Variants in CTNNA2 observed in about 807,000 individuals in gnomAD.
CTNNA2 encodes the protein catenin alpha-2.
A neutral mutation model predicts 101.0 loss-of-function variants in CTNNA2; 42 were observed. The ratio of observed to expected loss-of-function variants is 0.42; its 90% CI spans 0.32 to 0.54. The LOEUF (loss-of-function observed/expected upper bound fraction) is 0.54. Ranked by LOEUF, CTNNA2 falls within the 20% of genes least tolerant of loss-of-function variation. CTNNA2 has a pLI of 0.14. For synonymous variants in CTNNA2, 450 were observed against 456.4 expected (o/e 0.99, Z 0.18); for missense variants, 871 against 1,223.1 (o/e 0.71, Z 4.29).
intron 7 of CTNNA2, among the ~76,000 whole-genome samples, chr2:79,997,019 A>G (rs760444371): frequency 6.6e-6 from 1 of 152,098 alleles, no homozygotes; most frequent in East Asian, 1.9e-4. Flanking sequence ...AGTAAGAACC[A>G]GGTCAAAATC....
intron 4 of CTNNA2, among the ~76,000 whole-genome samples, chr2:79,503,395 G>C (rs1314521009): frequency 2.0e-5 from 3 of 152,066 alleles, no homozygotes; most frequent in Non-Finnish European, 4.4e-5. Flanking sequence ...GAAGGCCTTT[G>C]GCGTGTCATA....
intron 7 of CTNNA2, among the ~76,000 whole-genome samples, chr2:80,104,050 G>A (rs910699286): frequency 6.6e-6 from 1 of 152,170 alleles, no homozygotes; most frequent in African/African-American, 2.4e-5. Context: ...ACAGCTATGT[G>A]AAGCACTGTG....
At chr2:80,277,431 A>G (rs533715396) in intron 7 of CTNNA2, among the ~76,000 whole-genome samples, 4 of 152,012 alleles carry the variant, frequency 2.6e-5, no homozygotes, top group Admixed American at 1.3e-4. Flanking sequence ...ATGACTGGCC[A>G]CCATCTTGAA....
At chr2:80,306,050 G>A (rs1240773868) in intron 7 of CTNNA2, among the ~76,000 whole-genome samples, 5 of 152,208 alleles carry the variant, frequency 3.3e-5, no homozygotes, top group Non-Finnish European at 7.3e-5. Flanking sequence ...TAGCATCTAA[G>A]CTGAAGAGGC....
At chr2:79,249,229 A>T (rs751046446) in intron 2 of CTNNA2, among the ~76,000 whole-genome samples, 1 of 152,172 alleles carries the variant, frequency 6.6e-6, no homozygotes, top group African/African-American at 2.4e-5. Flanking sequence ...AATGTTAGCT[A>T]TCATCATATT....
intron 1 of CTNNA2, among the ~76,000 whole-genome samples, chr2:79,632,314 G>T (rs1346052909): frequency 1.3e-5 from 2 of 152,070 alleles, no homozygotes; most frequent in Non-Finnish European, 2.9e-5. Context: ...TAAAAATTGT[G>T]TGCATAGACA....
intron 7 of CTNNA2, among the ~76,000 whole-genome samples, chr2:80,034,274 G>T (rs1695502533): frequency 6.7e-6 from 1 of 149,566 alleles, no homozygotes; most frequent in African/African-American, 2.5e-5. Context: ...AACTGAAAAA[G>T]AATATAAACA....
At chr2:79,920,615 T>C (rs1359853176) in intron 7 of CTNNA2, among the ~76,000 whole-genome samples, 1 of 152,224 alleles carries the variant, frequency 6.6e-6, no homozygotes, top group Non-Finnish European at 1.5e-5. Flanking sequence ...AACCCAATGA[T>C]TGATCTTCTT....
intron 15 of CTNNA2, among the ~76,000 whole-genome samples, chr2:80,596,049 T>C (rs1696920681): frequency 6.6e-6 from 1 of 152,042 alleles, no homozygotes; most frequent in Admixed American, 6.6e-5. Flanking sequence ...TGAGCAGTGG[T>C]TTGTAGTTCT....
At chr2:79,554,930 G>A (rs143830140) in intron 1 of CTNNA2, among the ~76,000 whole-genome samples, 1 of 152,216 alleles carries the variant, frequency 6.6e-6, no homozygotes, top group Non-Finnish European at 1.5e-5. Flanking sequence ...TTGATAGTTG[G>A]TATCAGGATA....
chr2:80,056,962 G>C (rs1024994577), intron 7 of CTNNA2, among the ~76,000 whole-genome samples: 3 of 152,102 alleles, frequency 2.0e-5, no homozygotes, highest in African/African-American at 7.2e-5. Context: ...CATAGAAAAG[G>C]TTCCTCTTGT....
intron 18 of CTNNA2, among the ~76,000 whole-genome samples, chr2:80,636,524 G>C (rs1046098360): frequency 1.3e-5 from 2 of 151,894 alleles, no homozygotes; most frequent in African/African-American, 4.8e-5. Context: ...TCTCAGCTGG[G>C]GTCTAACAGT....
At chr2:80,456,849 G>C (rs549161969) in intron 9 of CTNNA2, among the ~76,000 whole-genome samples, 1 of 152,228 alleles carries the variant, frequency 6.6e-6, no homozygotes, top group African/African-American at 2.4e-5. Context: ...GAGGAAGCAG[G>C]GAATAAAGAG....
chr2:79,385,785 T>C lies in CTNNA2; in HGVS notation c.-135+11772T>C, dbSNP rs1216451682. Among the ~76,000 whole-genome samples the C allele has an allele frequency of 1.3e-5, 2 of 152,248 alleles. 1 individual carries two copies. The highest frequency in any genetic ancestry group is 4.2e-4 in the South Asian group (2 of 4,818). ...ACCTATGAGTGAGAATATGTGGTGT[T>C]TGGTTTTCTGTGCCTGTGTTAGTTT... is the stretch of plus-strand genomic sequence containing the variant. On this transcript the variant is annotated intron_variant, in intron 4 of 21. Coordinates refer to the CTNNA2 transcript ENST00000466387.
intron 7 of CTNNA2, among the ~76,000 whole-genome samples, chr2:80,115,426 C>T (rs1234671279): frequency 6.6e-6 from 1 of 152,270 alleles, no homozygotes; most frequent in Admixed American, 6.5e-5. Flanking sequence ...TGGAGGTAGA[C>T]AGTACACTCC....
intron 12 of CTNNA2, among the ~76,000 whole-genome samples, chr2:80,571,823 G>A (rs996334407): frequency 7.9e-5 from 12 of 152,082 alleles, no homozygotes; most frequent in African/African-American, 2.9e-4. Flanking sequence ...TAGGGCTGGG[G>A]TAGAGCCTGT....
chr2:80,319,083 G>T (rs1392385333), intron 7 of CTNNA2, among the ~76,000 whole-genome samples: 1 of 152,064 alleles, frequency 6.6e-6, no homozygotes, highest in Non-Finnish European at 1.5e-5. Context: ...AGCCTGGCCT[G>T]GTTGCAACTC....
intron 1 of CTNNA2, among the ~76,000 whole-genome samples, chr2:79,630,985 A>G (rs1679651343): frequency 6.7e-6 from 1 of 150,256 alleles, no homozygotes. Context: ...GCTGGTTGAA[A>G]CCCTTCGTTG....
intron 3 of CTNNA2, among the ~76,000 whole-genome samples, chr2:79,328,931 G>C (rs1040787069): frequency 1.3e-5 from 2 of 152,120 alleles, no homozygotes; most frequent in Non-Finnish European, 2.9e-5. Flanking sequence ...TCCTTGGCTT[G>C]TGACAACATA....
Sources: gnomAD v4.1 joint callset for allele counts (sites outside exome capture counted in the v4.1 genomes callset) on GRCh38, gnomAD v4.1.1 for gene constraint, MANE v1.5 for transcripts, NCBI Gene and HGNC (gene_info 2026-07-23, HGNC 2026-07-21) for gene names.